The following SPIRE1 variants were observed in gnomAD, a reference collection of about 807,000 sequenced individuals.
SPIRE1 encodes the protein protein spire homolog 1.
SPIRE1 carries 40 observed loss-of-function variants against 94.1 expected under a neutral mutation model. That is an observed-to-expected ratio of 0.43 (90% CI 0.33 to 0.55). The LOEUF (loss-of-function observed/expected upper bound fraction) is 0.55. Ranked by LOEUF, SPIRE1 falls within the 20% of genes least tolerant of loss-of-function variation. The probability of loss-of-function intolerance (pLI) is 0.06; values close to 1 mark genes in which losing one functional copy is unlikely to be tolerated. For missense variants in SPIRE1, 838 were observed against 975.2 expected, an observed-to-expected ratio of 0.86 and a Z score of 1.87; for synonymous variants, 376 against 371.7, an observed-to-expected ratio of 1.01 and a Z score of -0.13.
At chr18:12,624,256 T>C (rs1474998093) in intron 2 of SPIRE1, among the ~76,000 whole-genome samples, 6 of 149,390 alleles carry the variant, frequency 4.0e-5, no homozygotes, top group Non-Finnish European at 7.4e-5. Context: ...AAAAACATTC[T>C]ACATGGCTGG....
intron 12 of SPIRE1, among the ~76,000 whole-genome samples, chr18:12,456,337 A>G (rs952167706): frequency 6.6e-6 from 1 of 152,196 alleles, no homozygotes; most frequent in Admixed American, 6.5e-5. Context: ...TAGGCCATTA[A>G]AACTGTGCAC....
intron 2 of SPIRE1, among the ~76,000 whole-genome samples, chr18:12,582,889 T>G (rs191018199): frequency 2.6e-5 from 4 of 152,062 alleles, no homozygotes; most frequent in African/African-American, 4.8e-5. Context: ...GGGAAGGAAA[T>G]AGACAGTCTG....
intron 12 of SPIRE1, chr18:12,460,071 C>T (rs1380806401): frequency 9.6e-6 from 2 of 207,366 alleles, no homozygotes; most frequent in African/African-American, 4.7e-5. Context: ...TGGTACAGTC[C>T]GTGCGAACAT....
chr18:12,453,201 G>T (rs1330142931), intron 13 of SPIRE1, 63 bp from the exon 14 acceptor site: 20 of 1,107,350 alleles, frequency 1.8e-5, no homozygotes, highest in Non-Finnish European at 2.7e-5. Context: ...TAATATCCAT[G>T]TTTGAATATG....
At chr18:12,584,409 AAC>A (rs1309521101) in intron 2 of SPIRE1, among the ~76,000 whole-genome samples, 3 of 152,096 alleles carry the variant, frequency 2.0e-5, no homozygotes, top group Non-Finnish European at 4.4e-5. Context: ...CAGCCTGGGC[AAC>A]AGAGCAAAAC....
chr18:12,512,426 CA>C, intron 5 of SPIRE1, 27 bp downstream of exon 5: 2 of 1,514,566 alleles, frequency 1.3e-6, no homozygotes, highest in Non-Finnish European at 1.8e-6. Context: ...AGACAGTAAA[CA>C]GATCAGAAAG....
intron 2 of SPIRE1, among the ~76,000 whole-genome samples, chr18:12,558,097 G>C (rs963433254): frequency 6.6e-6 from 1 of 152,130 alleles, no homozygotes. Context: ...GTGGGTTATT[G>C]GTCTCACTGA....
intron 2 of SPIRE1, among the ~76,000 whole-genome samples, chr18:12,631,298 AT>A (rs1324346752): frequency 6.6e-6 from 1 of 152,022 alleles, no homozygotes; most frequent in African/African-American, 2.4e-5. Context: ...ATATGTATTA[AT>A]TCATTTAAGC....
chr18:12,589,901 T>A (rs982068376), intron 2 of SPIRE1, among the ~76,000 whole-genome samples: 1 of 152,254 alleles, frequency 6.6e-6, no homozygotes, highest in African/African-American at 2.4e-5. Flanking sequence ...TGTCTGTTCA[T>A]ACAAACTTTA....
chr18:12,511,327 A>G (rs989923637), intron 5 of SPIRE1, among the ~76,000 whole-genome samples: 2 of 152,188 alleles, frequency 1.3e-5, no homozygotes, highest in Admixed American at 1.3e-4. Flanking sequence ...GTCTCCTGTT[A>G]AGATCAGCAG....
intron 3 of SPIRE1, among the ~76,000 whole-genome samples, chr18:12,544,941 G>A (rs188121173): frequency 6.6e-6 from 1 of 152,204 alleles, no homozygotes; most frequent in East Asian, 1.9e-4. Flanking sequence ...GGTTAGGTGG[G>A]TGTTCCTTTC....
upstream of SPIRE1, among the ~76,000 whole-genome samples, chr18:12,659,608 T>C (rs1403633555): frequency 6.6e-6 from 1 of 151,902 alleles, no homozygotes; most frequent in African/African-American, 2.4e-5. Flanking sequence ...AGGTGGAAGT[T>C]GCAATGAGCC....
At chr18:12,598,809 G>A (rs1451052644) in intron 2 of SPIRE1, among the ~76,000 whole-genome samples, 2 of 152,178 alleles carry the variant, frequency 1.3e-5, no homozygotes, top group Non-Finnish European at 2.9e-5. Context: ...AGACTGTGGA[G>A]CTCTAAATAA....
At position 12,535,577 on chromosome 18, in the gene SPIRE1, C is replaced by G. The variant is rs1327449411; in HGVS notation, c.628G>C (p.Glu210Gln). Reference protein sequence around the residue: ...MKLCAAHLPTESDAPNHYQAV... With the variant: ...MKLCAAHLPTQSDAPNHYQAV... ...TGATAATGATTTGGTGCATCTGATTCAGTAGGGAGATGAGCAGCACACAAC... is the reference window on the plus strand; with the variant it reads ...TGATAATGATTTGGTGCATCTGATTGAGTAGGGAGATGAGCAGCACACAAC... The change falls in exon 4 of 17, where the codon GAA becomes CAA. Residue 210 changes from glutamate (E) to glutamine (Q), a missense_variant. By Grantham distance (29) the Glu-to-Gln change is conservative (BLOSUM62 2). Around this residue, in one of 2 missense-constraint regions of SPIRE1, gnomAD observed 645 missense variants for 804.7 expected, o/e 0.80. Coordinates refer to ENST00000409402, the MANE Select transcript of SPIRE1 (RefSeq NM_001128626.2). The G allele has an allele frequency of 1.2e-6, 2 of 1,612,994 alleles. No homozygotes were observed. Among genetic ancestry groups the G allele is most frequent in the Non-Finnish European group, 1.7e-6 (2 of 1,179,214 alleles).
At chr18:12,577,552 G>C (rs1232573674) in intron 2 of SPIRE1, among the ~76,000 whole-genome samples, 2 of 152,186 alleles carry the variant, frequency 1.3e-5, no homozygotes, top group Admixed American at 6.5e-5. Flanking sequence ...AGTAGTGTTT[G>C]CAGATTTTTA....
At chr18:12,453,034 A>T in intron 14 of SPIRE1, 34 bp downstream of exon 14, 1 of 1,385,162 alleles carries the variant, frequency 7.2e-7, no homozygotes, top group Non-Finnish European at 9.9e-7. Flanking sequence ...ACGACTGTTA[A>T]ATTTATCTTT....
intron 2 of SPIRE1, among the ~76,000 whole-genome samples, chr18:12,549,670 C>A (rs999722201): frequency 5.3e-5 from 8 of 151,506 alleles, no homozygotes; most frequent in African/African-American, 1.2e-4. Context: ...AGGACAGTCT[C>A]GATCTCCTGA....
At position 12,510,082 on chromosome 18, in the gene SPIRE1, C is replaced by T. The variant is rs1301001876; in HGVS notation, c.807+2372G>A. 6.4e-5 allele frequency among the ~76,000 whole-genome samples: 9 copies of T among 140,284 alleles called. No individual in the cohort carries two copies. In the South Asian group the frequency reaches 9.3e-4, roughly 15 times the overall value. The allele number at this position is 140,284 out of a possible 152,430, so 92.0% of individuals were successfully genotyped here. On this transcript the variant is annotated intron_variant, in intron 5 of 16. Coordinates refer to ENST00000409402, the MANE Select transcript of SPIRE1 (RefSeq NM_001128626.2). ...CCTGGGCGACAGAGCAAGACTCCAT[C>T]TAAAAAAAAAAAAAAAACTAAAAAA... is the stretch of plus-strand genomic sequence containing the variant.
intron 1 of SPIRE1, among the ~76,000 whole-genome samples, chr18:12,649,778 T>G (rs2038325306): frequency 1.3e-5 from 2 of 152,234 alleles, no homozygotes; most frequent in South Asian, 4.1e-4. Flanking sequence ...ACTTGAGGAC[T>G]AATATCTGTA....
Sources: allele counts gnomAD v4.1 joint callset (sites outside exome capture counted in the v4.1 genomes callset), GRCh38; gene constraint gnomAD v4.1.1; regional missense constraint gnomAD v4.1.1; transcripts MANE v1.5; gene names NCBI Gene and HGNC (gene_info 2026-07-23, HGNC 2026-07-21).